KCNMA1: variants seen among roughly 807,000 people sequenced by gnomAD.
KCNMA1 encodes potassium calcium-activated channel subfamily M alpha 1, also known as Calcium-activated potassium channel subunit alpha-1.
KCNMA1 carries 29 observed loss-of-function variants against 140.0 expected under a neutral mutation model. The ratio of observed to expected loss-of-function variants is 0.21; its 90% CI spans 0.15 to 0.28. The LOEUF (loss-of-function observed/expected upper bound fraction) is 0.28. Ranked by LOEUF, KCNMA1 falls within the 10% of genes least tolerant of loss-of-function variation. The pLI is 1.00. For missense variants in KCNMA1, 880 were observed against 1,602.2 expected (o/e 0.55, Z 7.70); for synonymous variants, 612 against 611.9 (o/e 1.00, Z 0.00).
At chr10:77,045,903 A>C (rs2095024831) in intron 14 of KCNMA1, among the ~76,000 whole-genome samples, 1 of 152,238 alleles carries the variant, frequency 6.6e-6, no homozygotes, top group South Asian at 2.1e-4. Flanking sequence ...AGTCATGTAA[A>C]TAATTCCAAA....
intron 23 of KCNMA1, among the ~76,000 whole-genome samples, chr10:76,924,199 T>C (rs1283618576): frequency 6.6e-6 from 1 of 152,092 alleles, no homozygotes; most frequent in Non-Finnish European, 1.5e-5. Context: ...GAAAACAACA[T>C]GAATGTCCAA....
chr10:77,112,761 T>C lies in KCNMA1; in HGVS notation c.885-319A>G, dbSNP rs149769939. ...TTAGACTGACCAATTATTAACATTTTACCACGGGTGCTTTATCTCCCTACA... is the reference window on the plus strand; with the variant it reads ...TTAGACTGACCAATTATTAACATTTCACCACGGGTGCTTTATCTCCCTACA... On this transcript the variant is annotated intron_variant, in intron 6 of 27. Coordinates refer to ENST00000286628, the MANE Select transcript of KCNMA1 (RefSeq NM_001161352.2). Among the ~76,000 whole-genome samples, 1,222 of 152,302 alleles carry C rather than the reference T, an allele frequency of 8.0e-3. 13 individuals carry two copies. Among genetic ancestry groups the C allele is most frequent in the Non-Finnish European group, 0.01 (699 of 68,022 alleles).
intron 3 of KCNMA1, among the ~76,000 whole-genome samples, chr10:77,186,378 C>CAAAAAACA (rs2098850972): frequency 6.8e-6 from 1 of 147,938 alleles, no homozygotes; most frequent in Non-Finnish European, 1.5e-5. Context: ...AAACAAAAAA[C>CAAAAAACA]AAAAAAAAAC....
At chr10:77,173,972 G>A (rs2098730844) in intron 5 of KCNMA1, among the ~76,000 whole-genome samples, 1 of 152,128 alleles carries the variant, frequency 6.6e-6, no homozygotes, top group Admixed American at 6.5e-5. Flanking sequence ...ACCACGAACT[G>A]CCCATCTGAG....
chr10:77,125,683 C>T (rs902934838), intron 5 of KCNMA1, among the ~76,000 whole-genome samples: 2 of 152,234 alleles, frequency 1.3e-5, no homozygotes, highest in African/African-American at 4.8e-5. Context: ...TCTTTAGCAT[C>T]AGCTCTATGA....
At chr10:77,481,691 C>T (rs1481886191) in intron 1 of KCNMA1, among the ~76,000 whole-genome samples, 8 of 150,434 alleles carry the variant, frequency 5.3e-5, no homozygotes, top group East Asian at 2.0e-4. Flanking sequence ...AGGAGAATGG[C>T]GTGAACCCTG....
chr10:77,628,485 G>A (rs565582656), intron 1 of KCNMA1, among the ~76,000 whole-genome samples: 72 of 151,936 alleles, frequency 4.7e-4, no homozygotes, highest in African/African-American at 1.3e-3. Context: ...GTGAAATCCC[G>A]TCTCCATTAA....
At chr10:77,356,039 ACTTC>A (rs2093451460) in intron 2 of KCNMA1, among the ~76,000 whole-genome samples, 2 of 152,256 alleles carry the variant, frequency 1.3e-5, no homozygotes, top group African/African-American at 4.8e-5. Context: ...AAAATTAATC[ACTTC>A]CTTCTGTTTT....
In KCNMA1 at chr10:77,265,494, T is replaced by C. The variant is rs148369504; in HGVS notation, c.541-14238A>G. 6.6e-5 allele frequency among the ~76,000 whole-genome samples: 10 copies of C among 152,304 alleles called. No homozygotes were observed. The East Asian group carries it at 1.9e-3, about 29-fold the overall frequency. On this transcript the variant is annotated intron_variant, in intron 2 of 27. Coordinates refer to ENST00000286628, the MANE Select transcript of KCNMA1 (RefSeq NM_001161352.2). ...GATATTCTTTTTCTTTGAACATGGG[T>C]ATAAAAACATTTTAAACTGTTTAGG...
At chr10:77,511,372 A>G (rs1320014839) in intron 1 of KCNMA1, among the ~76,000 whole-genome samples, 15 of 152,236 alleles carry the variant, frequency 9.9e-5, no homozygotes, top group Admixed American at 9.8e-4. Flanking sequence ...ATAATTCAGA[A>G]CTTGAAACAT....
intron 1 of KCNMA1, among the ~76,000 whole-genome samples, chr10:77,420,850 G>A (rs1005527068): frequency 6.6e-6 from 1 of 152,136 alleles, no homozygotes; most frequent in African/African-American, 2.4e-5. Context: ...CTCTCCCCTG[G>A]TTGACTCCTA....
rs755720081 is a variant in KCNMA1 at position 76,886,236 on chromosome 10, TCAAA to T, written c.*1026_*1029del. ...TACCTGGCATTGGGGCCCTAACTAA[TCAAA>T]CAAAGGGGAGTAAAAAGATCCCCTG... On this transcript the variant is annotated 3_prime_UTR_variant, in exon 28 of 28. Transcript: ENST00000286628. 697 of 985,264 alleles carry T rather than the reference TCAAA, an allele frequency of 7.1e-4. 3 individuals are homozygous for T. Among genetic ancestry groups the T allele is most frequent in the South Asian group, 1.9e-3 (40 of 21,290 alleles). The allele number at this position is 985,264 out of a possible 1,614,324, so 61.0% of individuals were successfully genotyped here. A position where few individuals can be genotyped will look rare whatever the true frequency, so the allele number is the denominator to read the frequency against.
intron 5 of KCNMA1, among the ~76,000 whole-genome samples, chr10:77,155,020 A>G (rs926609747): frequency 1.3e-5 from 2 of 152,116 alleles, no homozygotes; most frequent in Non-Finnish European, 2.9e-5. Context: ...CATCCAAAGG[A>G]GCGGGTTGCT....
At chr10:77,575,251 C>T (rs1033101239) in intron 1 of KCNMA1, among the ~76,000 whole-genome samples, 5 of 152,212 alleles carry the variant, frequency 3.3e-5, no homozygotes, top group Admixed American at 2.6e-4. Context: ...GGCAAATGAC[C>T]TCACTAAAGG....
At chr10:77,348,442 C>A (rs1477958734) in intron 2 of KCNMA1, among the ~76,000 whole-genome samples, 1 of 152,100 alleles carries the variant, frequency 6.6e-6, no homozygotes, top group African/African-American at 2.4e-5. Context: ...CCTGGACACC[C>A]GCAAGCCACA....
chr10:77,268,909 C>A (rs1216864516), intron 2 of KCNMA1, among the ~76,000 whole-genome samples: 1 of 152,132 alleles, frequency 6.6e-6, no homozygotes, highest in East Asian at 1.9e-4. Context: ...AAGCAGTCTC[C>A]AGGAGACGCT....
chr10:77,221,148 T>G (rs1321333135), intron 3 of KCNMA1, among the ~76,000 whole-genome samples: 1 of 152,218 alleles, frequency 6.6e-6, no homozygotes, highest in Non-Finnish European at 1.5e-5. Context: ...TTTTACTGCT[T>G]GCTAATTTCT....
chr10:77,326,012 C>A lies in KCNMA1; in HGVS notation c.541-74756G>T, dbSNP rs140983142. 2.1e-3 allele frequency among the ~76,000 whole-genome samples: 314 copies of A among 152,282 alleles called. 1 individual carries two copies. The highest frequency in any genetic ancestry group is 7.1e-3 in the African/African-American group (294 of 41,568). On this transcript the variant is annotated intron_variant, in intron 2 of 27. Transcript: ENST00000286628. ...GTTGACTGTTTTGGTTTCTTCCCCC[C>A]CATTTCTAAGGACAGGAACCATGCC...
At chr10:77,382,994 G>GTGTATATATATATA (rs1491457588) in intron 2 of KCNMA1, among the ~76,000 whole-genome samples, 2 of 46,436 alleles carry the variant, frequency 4.3e-5, no homozygotes, top group African/African-American at 1.9e-4. Context: ...GTGTGTGTGT[G>GTGTATATATATATA]TATATATATA....
Sources: allele counts gnomAD v4.1 joint callset (sites outside exome capture counted in the v4.1 genomes callset), GRCh38; gene constraint gnomAD v4.1.1; transcripts MANE v1.5; gene names NCBI Gene and HGNC (gene_info 2026-07-23, HGNC 2026-07-21).